The following PCLO variants were observed in gnomAD, a reference collection of about 807,000 sequenced individuals.
The protein encoded by PCLO is protein piccolo.
A neutral mutation model predicts 427.5 loss-of-function variants in PCLO; 82 were observed. The ratio of observed to expected loss-of-function variants is 0.19; its 90% CI spans 0.16 to 0.23. The LOEUF is 0.23. PCLO is among the 10% of genes least tolerant of loss of function. PCLO has a pLI of 1.00. For missense variants in PCLO, 6,239 were observed against 6,115.9 expected (o/e 1.02, Z -0.67); for synonymous variants, 2,357 against 2,155.4 (o/e 1.09, Z -2.59).
At chr7:83,101,455 C>T (rs1302677170) in intron 3 of PCLO, among the ~76,000 whole-genome samples, 1 of 151,736 alleles carries the variant, frequency 6.6e-6, no homozygotes, top group Admixed American at 6.6e-5. Flanking sequence ...TGGATATTCA[C>T]CAATAATGGA....
At chr7:83,152,235 A>G (rs927130251) in intron 2 of PCLO, among the ~76,000 whole-genome samples, 3 of 152,166 alleles carry the variant, frequency 2.0e-5, no homozygotes, top group Non-Finnish European at 1.5e-5. Context: ...AAGTGCTGGG[A>G]TTACAGGCAT....
At chr7:82,994,457 T>C (rs769896757) in intron 3 of PCLO, among the ~76,000 whole-genome samples, 23 of 152,018 alleles carry the variant, frequency 1.5e-4, no homozygotes, top group Non-Finnish European at 8.8e-5. Context: ...ACTGTGAGGC[T>C]GAGGCTCTTG....
At chr7:83,148,196 C>T (rs1042953186) in intron 2 of PCLO, among the ~76,000 whole-genome samples, 23 of 152,048 alleles carry the variant, frequency 1.5e-4, no homozygotes, top group African/African-American at 5.6e-4. Flanking sequence ...GGACTACAGC[C>T]GATTAGAATT....
chr7:83,054,517 T>A (rs1789331221), intron 3 of PCLO, among the ~76,000 whole-genome samples: 1 of 152,058 alleles, frequency 6.6e-6, no homozygotes, highest in East Asian at 1.9e-4. Context: ...AGAAGAAGAC[T>A]CATTATTTTA....
chr7:82,838,383 A>G, intron 14 of PCLO, 41 bp from the exon 15 acceptor site: 2 of 1,170,266 alleles, frequency 1.7e-6, no homozygotes, highest in Non-Finnish European at 2.4e-6. Context: ...TTTTAAAAGC[A>G]TGTTATACAT....
intron 10 of PCLO, among the ~76,000 whole-genome samples, chr7:82,869,008 G>T (rs1312483046): frequency 6.6e-6 from 1 of 152,068 alleles, no homozygotes; most frequent in Non-Finnish European, 1.5e-5. Context: ...AGTTTTAAAA[G>T]TATCACGATG....
At chr7:82,836,818 T>G (rs1397877508) in intron 15 of PCLO, among the ~76,000 whole-genome samples, 1 of 152,162 alleles carries the variant, frequency 6.6e-6, no homozygotes, top group Non-Finnish European at 1.5e-5. Context: ...AGCAGCAGAT[T>G]CAAGGGCAGT....
intron 3 of PCLO, among the ~76,000 whole-genome samples, chr7:83,090,546 G>A (rs1790352440): frequency 1.3e-5 from 2 of 152,072 alleles, no homozygotes; most frequent in Admixed American, 6.5e-5. Flanking sequence ...CTTAAACTCT[G>A]TGAGTCTCAG....
At chr7:82,942,250 C>T (rs998351849) in intron 6 of PCLO, among the ~76,000 whole-genome samples, 11 of 152,120 alleles carry the variant, frequency 7.2e-5, no homozygotes, top group African/African-American at 2.4e-4. Context: ...TTAAATAGTG[C>T]TGTGGTTTTA....
chr7:82,818,370 A>G (rs1791719531), intron 20 of PCLO, among the ~76,000 whole-genome samples: 1 of 152,162 alleles, frequency 6.6e-6, no homozygotes, highest in Admixed American at 6.6e-5. Context: ...AGAAATGCCT[A>G]CAGATGGACC....
chr7:82,777,264 A>T (rs1020014910), intron 22 of PCLO, among the ~76,000 whole-genome samples: 1 of 152,192 alleles, frequency 6.6e-6, no homozygotes, highest in Non-Finnish European at 1.5e-5. Flanking sequence ...TGACACAAAC[A>T]TATGGGAAAA....
Position 82,952,727 on chromosome 7 carries a change from A to T in PCLO, c.8226T>A (p.Asp2742Glu). 6.2e-7 allele frequency: 1 copy of T among 1,613,736 alleles called. No individual in the cohort carries two copies. Among genetic ancestry groups the T allele is most frequent in the Non-Finnish European group, 8.5e-7 (1 of 1,179,742 alleles). Residue 2742 changes from aspartate (D) to glutamate (E), a missense_variant, in exon 5 of 25, where the codon GAT (aspartate) becomes GAA (glutamate). By Grantham distance (45) the Asp-to-Glu change is conservative (BLOSUM62 2). Coordinates refer to ENST00000333891, the MANE Select transcript of PCLO (RefSeq NM_033026.6). Reference sequence around the variant, plus strand: ...TAGAAGCAGAAAGATCAATACATTTATCAGTTGTTTTAACTTCTACCTTTG... The same window carrying T: ...TAGAAGCAGAAAGATCAATACATTTTTCAGTTGTTTTAACTTCTACCTTTG... ...TVPKVEVKTTDKCIDLSASTM... is the reference protein window; with the variant it reads ...TVPKVEVKTTEKCIDLSASTM...
chr7:83,038,857 G>T (rs1788899492), intron 3 of PCLO, among the ~76,000 whole-genome samples: 1 of 151,872 alleles, frequency 6.6e-6, no homozygotes, highest in Non-Finnish European at 1.5e-5. Flanking sequence ...TGTATATTAG[G>T]GATGGGTTTG....
At chr7:82,813,765 T>C (rs190657069) in intron 20 of PCLO, among the ~76,000 whole-genome samples, 1 of 151,894 alleles carries the variant, frequency 6.6e-6, no homozygotes, top group East Asian at 1.9e-4. Flanking sequence ...GTAATTCAGA[T>C]CATATTTTTC....
chr7:83,020,903 A>G (rs1338394278), intron 3 of PCLO, among the ~76,000 whole-genome samples: 3 of 152,108 alleles, frequency 2.0e-5, no homozygotes. Context: ...TTTGTCACCT[A>G]TTGTCTCAGA....
At chr7:82,867,820 A>T (rs1465362811) in intron 10 of PCLO, among the ~76,000 whole-genome samples, 3 of 152,194 alleles carry the variant, frequency 2.0e-5, no homozygotes, top group Non-Finnish European at 4.4e-5. Context: ...TCCTCTGATA[A>T]ATTTCAAAAT....
At chr7:82,846,794 T>C (rs1398267733) in intron 11 of PCLO, among the ~76,000 whole-genome samples, 160 bp from the exon 12 acceptor site, 1 of 152,124 alleles carries the variant, frequency 6.6e-6, no homozygotes, top group Non-Finnish European at 1.5e-5. Flanking sequence ...CAATATATAT[T>C]TGCAATGCAG....
intron 3 of PCLO, among the ~76,000 whole-genome samples, chr7:83,018,389 A>T (rs144972467): frequency 6.6e-6 from 1 of 152,150 alleles, no homozygotes; most frequent in African/African-American, 2.4e-5. Context: ...CAGTTGTGAT[A>T]CATTTCCTGC....
At position 82,916,138 on chromosome 7, in the gene PCLO, A is replaced by G; in HGVS notation, c.11848T>C (p.Tyr3950His). 1 of 1,613,638 alleles carries G rather than the reference A, an allele frequency of 6.2e-7. No homozygotes were observed. Among genetic ancestry groups the G allele is most frequent in the Non-Finnish European group, 8.5e-7 (1 of 1,179,728 alleles). ...VQPTPTPQPS[Y>H]QLPSQMMVIQ... ...ACCATCATCTGTGAAGGTAACTGAT[A>G]AGAAGGCTGTGGGGTTGGTGTAGGT... The change falls in exon 7 of 25, where the codon TAT (tyrosine) becomes CAT (histidine). Residue 3950 changes from tyrosine (Y) to histidine (H), a missense_variant. By Grantham distance (83) the Tyr-to-His change is moderately conservative (BLOSUM62 2). This residue lies in a region of PCLO where 680 missense variants were observed against 677.3 expected (regional missense o/e 1.00). Coordinates refer to ENST00000333891, the MANE Select transcript of PCLO (RefSeq NM_033026.6).
Sources: gnomAD v4.1 joint callset for allele counts (sites outside exome capture counted in the v4.1 genomes callset) on GRCh38, gnomAD v4.1.1 for gene constraint, gnomAD v4.1.1 regional missense constraint, MANE v1.5 for transcripts, NCBI Gene and HGNC (gene_info 2026-07-23, HGNC 2026-07-21) for gene names.